Variants in LMF1 observed in about 807,000 individuals in gnomAD.
The protein encoded by LMF1 is lipase maturation factor 1, also known as transmembrane protein 112.
LMF1 carries 68 observed loss-of-function variants against 60.6 expected under a neutral mutation model. That is an observed-to-expected ratio of 1.12 (90% CI 0.92 to 1.37). The LOEUF (loss-of-function observed/expected upper bound fraction) is 1.37. LMF1 is among the 40% of genes most tolerant of loss of function. LMF1 has a pLI of 0.00. For missense variants in LMF1, 948 were observed against 767.2 expected (o/e 1.24, Z -2.78); for synonymous variants, 418 against 324.7 (o/e 1.29, Z -3.09).
intron 5 of LMF1, among the ~76,000 whole-genome samples, chr16:883,011 AG>A (rs1473213602): frequency 7.1e-6 from 1 of 141,238 alleles, no homozygotes; most frequent in Non-Finnish European, 1.5e-5. Flanking sequence ...TCACAGGACC[AG>A]GAGAAAGAGA....
intron 4 of LMF1, among the ~76,000 whole-genome samples, chr16:906,387 G>A (rs1164105431): frequency 2.0e-5 from 3 of 152,090 alleles, no homozygotes; most frequent in Admixed American, 2.0e-4. Flanking sequence ...TTAATCTGGT[G>A]GGCACCATCT....
intron 4 of LMF1, among the ~76,000 whole-genome samples, chr16:893,889 G>T (rs2070572582): frequency 1.3e-5 from 2 of 152,104 alleles, no homozygotes; most frequent in Admixed American, 1.3e-4. Context: ...CATGGGAGGT[G>T]AAACTGCACA....
chr16:856,547 T>A (rs189660646), intron 10 of LMF1, among the ~76,000 whole-genome samples: 2 of 152,342 alleles, frequency 1.3e-5, no homozygotes, highest in East Asian at 3.9e-4. Flanking sequence ...ATTGCCCATC[T>A]TTCCCAAATT....
In LMF1 at chr16:897,082, G is replaced by A. The variant is rs567387049; in HGVS notation, c.664-4010C>T. On this transcript the variant is annotated intron_variant, in intron 4 of 10. Coordinates refer to ENST00000262301, the MANE Select transcript of LMF1 (RefSeq NM_022773.4). This position sits in a 1 kb window ranked among gnomAD's most constrained non-coding sequence, Gnocchi z 4.3. ...CCCACACTGCCCGTGCCACCCTCCC[G>A]CTCTGCTCGGAATGCCAGAACTTTC... Among the ~76,000 whole-genome samples the A allele has an allele frequency of 2.6e-5, 4 of 152,060 alleles. No homozygotes were observed. Among genetic ancestry groups the A allele is most frequent in the African/African-American group, 7.2e-5 (3 of 41,390 alleles).
chr16:969,247 G>A (rs1028870562), intron 1 of LMF1, among the ~76,000 whole-genome samples: 19 of 152,148 alleles, frequency 1.2e-4, no homozygotes, highest in Admixed American at 3.9e-4. Flanking sequence ...CCCAGGAGAC[G>A]GAGGTTGCAG....
chr16:869,131 T>C (rs1188292084), intron 9 of LMF1, 75 bp from the exon 10 acceptor site: 2 of 953,048 alleles, frequency 2.1e-6, no homozygotes, highest in Non-Finnish European at 3.4e-6. Context: ...CGCTCGGCTG[T>C]GCCCTCCACT....
At chr16:930,633 C>T (rs973027439) in intron 3 of LMF1, among the ~76,000 whole-genome samples, 15 of 152,238 alleles carry the variant, frequency 9.9e-5, no homozygotes, top group Non-Finnish European at 1.8e-4. Context: ...GGGGGCTGTG[C>T]GGACTTCCCG....
chr16:938,512 C>T (rs1314526663), intron 2 of LMF1, among the ~76,000 whole-genome samples: 5 of 152,238 alleles, frequency 3.3e-5, no homozygotes, highest in African/African-American at 1.2e-4. Context: ...TCACTGAAGA[C>T]ATGACTGCTG....
intron 2 of LMF1, chr16:947,762 CGA>C (rs1168643458): frequency 5.6e-6 from 2 of 357,384 alleles, no homozygotes; most frequent in Non-Finnish European, 1.1e-5. Flanking sequence ...TCAGAGCCAA[CGA>C]GAGAGTCAGA....
At position 897,867 on chromosome 16, in the gene LMF1, G is replaced by A. The variant is rs1238861405; in HGVS notation, c.664-4795C>T. On this transcript the variant is annotated intron_variant, in intron 4 of 10. Transcript: ENST00000262301. This position sits in a 1 kb window ranked among gnomAD's most constrained non-coding sequence, Gnocchi z 4.3. ...GGTTTCCGCACTTTCTTGCCCTCAT[G>A]CAAGAGAGAACTGGCATGGGAGGTG... is the stretch of plus-strand genomic sequence containing the variant. 6.6e-6 allele frequency among the ~76,000 whole-genome samples: 1 copy of A among 152,254 alleles called. No individual in the cohort carries two copies. Among genetic ancestry groups the A allele is most frequent in the Non-Finnish European group, 1.5e-5 (1 of 68,038 alleles).
upstream of LMF1, chr16:975,866 C>T (rs769063638): frequency 9.0e-5 from 41 of 454,030 alleles, no homozygotes; most frequent in Non-Finnish European, 1.4e-4. Context: ...GGGCCCATTT[C>T]GAGAAAGCAG....
chr16:901,388 G>C (rs58563096), intron 4 of LMF1: 9,966 of 152,350 alleles, frequency 0.065, 368 homozygotes, highest in Non-Finnish European at 0.087. Context: ...TCCACCTACA[G>C]GGATCTGCTG....
At chr16:883,600 C>T (rs186482678) in intron 5 of LMF1, among the ~76,000 whole-genome samples, 3 of 152,348 alleles carry the variant, frequency 2.0e-5, no homozygotes, top group Admixed American at 2.0e-4. Flanking sequence ...ACCCTCCACC[C>T]CAGACAGGGC....
chr16:874,520 G>T lies in LMF1; in HGVS notation c.898-3179C>A, dbSNP rs979600905. Among the ~76,000 whole-genome samples, 2 of 152,186 alleles carry T rather than the reference G, an allele frequency of 1.3e-5. No homozygotes were observed. The highest frequency in any genetic ancestry group is 6.5e-5 in the Admixed American group (1 of 15,282). ...CCCGTGGGGTGCTGGCTGGGCGGCC[G>T]GGCTCTGCGGTCACTGCTCTTGTGC... On this transcript the variant is annotated intron_variant, in intron 6 of 10. Transcript: ENST00000262301. The surrounding 1 kb of genome is among the most constrained non-coding windows in gnomAD (Gnocchi z 4.1).
At chr16:895,119 C>T (rs574964968) in intron 4 of LMF1, among the ~76,000 whole-genome samples, 1 of 152,330 alleles carries the variant, frequency 6.6e-6, no homozygotes, top group East Asian at 1.9e-4. Flanking sequence ...GTCGCGGTCC[C>T]ACTGCGGGAG....
At chr16:910,679 A>G (rs567612581) in intron 4 of LMF1, among the ~76,000 whole-genome samples, 4 of 152,230 alleles carry the variant, frequency 2.6e-5, no homozygotes, top group Admixed American at 2.6e-4. Context: ...TCTCCTCCTG[A>G]AACAGACTCA....
rs2070418271 is a variant in LMF1 at position 889,608 on chromosome 16, G to C, written c.729+3399C>G. 1.3e-5 allele frequency among the ~76,000 whole-genome samples: 2 copies of C among 152,286 alleles called. 1 individual carries two copies. The highest frequency in any genetic ancestry group is 4.1e-4 in the South Asian group (2 of 4,826). On this transcript the variant is annotated intron_variant, in intron 5 of 10. Coordinates refer to ENST00000262301, the MANE Select transcript of LMF1 (RefSeq NM_022773.4). ...AGCATAGGGGCAACTTTCCAAGAAAGGGGCACCCCCCTCTGACTCCTTATC... is the reference window on the plus strand; with the variant it reads ...AGCATAGGGGCAACTTTCCAAGAAACGGGCACCCCCCTCTGACTCCTTATC...
At chr16:957,568 G>A (rs887322500) in intron 1 of LMF1, among the ~76,000 whole-genome samples, 9 of 152,154 alleles carry the variant, frequency 5.9e-5, no homozygotes, top group Admixed American at 6.6e-5. Flanking sequence ...TGCTTCCGCC[G>A]AGGCTGACAA....
At chr16:922,505 A>G (rs927839934) in intron 3 of LMF1, among the ~76,000 whole-genome samples, 16 of 152,178 alleles carry the variant, frequency 1.1e-4, no homozygotes, top group Non-Finnish European at 2.9e-5. Flanking sequence ...CATTACTAAC[A>G]TGGACGTGAA....
Sources: allele counts gnomAD v4.1 joint callset (sites outside exome capture counted in the v4.1 genomes callset), GRCh38; gene constraint gnomAD v4.1.1; non-coding constraint Gnocchi (gnomAD v3.1); transcripts MANE v1.5; gene names NCBI Gene and HGNC (gene_info 2026-07-23, HGNC 2026-07-21).